Variants in MIX23 observed in about 807,000 individuals in gnomAD.
MIX23 encodes mitochondrial matrix import factor 23, also known as protein MIX23.
A neutral mutation model predicts 21.6 loss-of-function variants in MIX23; 13 were observed. The observed-to-expected ratio is 0.60, with a 90% CI of 0.39 to 0.96. The LOEUF is 0.96. Among genes scored for constraint, MIX23 ranks in the 40% least tolerant of loss-of-function variants. MIX23 has a pLI of 0.00. For missense variants in MIX23, 144 were observed against 171.2 expected (o/e 0.84, Z 0.89); for synonymous variants, 59 against 58.0 (o/e 1.02, Z -0.08).
At chr3:122,372,999 T>C (rs752308968) in intron 1 of MIX23, 1 of 423,726 alleles carries the variant, frequency 2.4e-6, no homozygotes, top group South Asian at 1.8e-5. Context: ...CAAACTTAAA[T>C]CCATGACTGA....
intron 3 of MIX23, among the ~76,000 whole-genome samples, chr3:122,365,160 C>T (rs184336837): frequency 1.2e-4 from 19 of 152,256 alleles, no homozygotes; most frequent in East Asian, 9.6e-4. Flanking sequence ...GGTCCAGCAA[C>T]GAAGGTGCTT....
At chr3:122,362,042 G>A (rs554792849) in intron 4 of MIX23, among the ~76,000 whole-genome samples, 2 of 152,122 alleles carry the variant, frequency 1.3e-5, no homozygotes, top group South Asian at 4.2e-4. Context: ...TTTAGAGAGG[G>A]GTAAATGGAT....
At chr3:122,371,833 A>G (rs1392036169) in intron 1 of MIX23, 33 bp from the exon 2 acceptor site, 1 of 1,522,174 alleles carries the variant, frequency 6.6e-7, no homozygotes, top group Non-Finnish European at 9.0e-7. Flanking sequence ...AATATAACCC[A>G]AATGGAAAGT....
chr3:122,382,844 A>G (rs1331548882), intron 1 of MIX23, among the ~76,000 whole-genome samples: 1 of 152,240 alleles, frequency 6.6e-6, no homozygotes, highest in East Asian at 1.9e-4. Context: ...GGAATGGCAG[A>G]AGCTGGAAAC....
rs531578884 is a variant in MIX23 at position 122,367,484 on chromosome 3, T to C, written c.324+692A>G. Among the ~76,000 whole-genome samples, 38 of 152,326 alleles carry C rather than the reference T, an allele frequency of 2.5e-4. 1 individual carries two copies. In the South Asian group the frequency reaches 7.9e-3, roughly 32 times the overall value. ...GTCTACACCCTATCTACATTATAGT[T>C]GATTTGGGAAAATAAGGCTTCCTCT... On this transcript the variant is annotated intron_variant, in intron 3 of 4. Transcript: ENST00000291458.
chr3:122,362,892 C>T, intron 4 of MIX23, 76 bp downstream of exon 4: 9 of 1,142,780 alleles, frequency 7.9e-6, no homozygotes, highest in Non-Finnish European at 1.2e-5. Context: ...GCACTCTTTA[C>T]TCCCCCTCCC....
intron 1 of MIX23, among the ~76,000 whole-genome samples, chr3:122,376,132 C>T (rs1179435503): frequency 8.8e-5 from 12 of 136,536 alleles, no homozygotes; most frequent in Admixed American, 8.0e-4. Flanking sequence ...CACTGCATTC[C>T]AGCCTGCCTG....
At position 122,371,751 on chromosome 3, in the gene MIX23, A is replaced by C. The variant is rs377127490; in HGVS notation, c.101T>G (p.Leu34Ter). The change falls in exon 2 of 5, where the codon TTA (leucine) becomes TGA (stop). Residue 34 changes from leucine (L) to a stop codon, truncating the protein, a stop_gained. Coordinates refer to ENST00000291458, the MANE Select transcript of MIX23 (RefSeq NM_001017928.4). LOFTEE classifies it high-confidence loss of function. Reference sequence around the variant, plus strand: ...GGAAGCTGTTGGAACCGTAGTGTTTAATTCATGTACTATTCTGTCATCAAT... The same window carrying C: ...GGAAGCTGTTGGAACCGTAGTGTTTCATTCATGTACTATTCTGTCATCAAT... ...RTIDDRIVHE[L>*]NTTVPTASFA... The C allele has an allele frequency of 1.9e-5, 31 of 1,610,458 alleles. No individual in the cohort carries two copies. The highest frequency in any genetic ancestry group is 2.7e-5 in the African/African-American group (2 of 74,840).
Position 122,368,234 on chromosome 3 carries a change from C to T in MIX23, c.266G>A (p.Arg89Lys), listed in dbSNP as rs2107679657. ...CGTTAAATCGTCCAAATTCTTTTCT[C>T]TCTCTTCTCGGAGGTTTTTTACTAC... ...SAVVKNLREE[R>K]EKNLDDLTLL... is the part of the protein sequence containing the mutation. Residue 89 changes from arginine to lysine, a missense_variant, in exon 3 of 5, where the codon AGA becomes AAA. By Grantham distance (26) the Arg-to-Lys change is conservative. Coordinates refer to ENST00000291458, the MANE Select transcript of MIX23 (RefSeq NM_001017928.4). The T allele has an allele frequency of 6.2e-7, 1 of 1,610,164 alleles. No individual in the cohort carries two copies. The highest frequency in any genetic ancestry group is 8.5e-7 in the Non-Finnish European group (1 of 1,179,582).
chr3:122,369,765 T>C (rs1030822518), intron 2 of MIX23, among the ~76,000 whole-genome samples: 1 of 152,236 alleles, frequency 6.6e-6, no homozygotes, highest in Non-Finnish European at 1.5e-5. Flanking sequence ...CAAACATTTT[T>C]TTGAGACAGG....
At chr3:122,365,894 G>T (rs556974288) in intron 3 of MIX23, among the ~76,000 whole-genome samples, 1 of 152,006 alleles carries the variant, frequency 6.6e-6, no homozygotes, top group African/African-American at 2.4e-5. Context: ...TCTATATGCC[G>T]GCTGGACACG....
At chr3:122,360,349 C>A (rs937913535) in intron 4 of MIX23, among the ~76,000 whole-genome samples, 1 of 151,654 alleles carries the variant, frequency 6.6e-6, no homozygotes, top group African/African-American at 2.4e-5. Flanking sequence ...GGAATACATG[C>A]AAGGTTAAAA....
chr3:122,365,928 C>T (rs1019700847), intron 3 of MIX23, among the ~76,000 whole-genome samples: 9 of 152,042 alleles, frequency 5.9e-5, no homozygotes, highest in Admixed American at 5.2e-4. Flanking sequence ...GTAATCCCAG[C>T]ACTTTGGGAA....
intron 1 of MIX23, among the ~76,000 whole-genome samples, chr3:122,374,618 C>T (rs530709267): frequency 3.9e-5 from 6 of 152,056 alleles, no homozygotes; most frequent in Admixed American, 1.3e-4. Flanking sequence ...CTTCGATCCA[C>T]GGTTGATTGA....
rs1559987587 is a variant in MIX23 at position 122,359,835 on chromosome 3, A to AT, written c.*33_*34insA. 3.6e-6 allele frequency: 2 copies of AT among 558,004 alleles called. No homozygotes were observed. The highest frequency in any genetic ancestry group is 4.9e-6 in the Non-Finnish European group (2 of 407,152). 34.6% of individuals were successfully genotyped at this position (558,004 alleles called of 1,614,324 possible). On this transcript the variant is annotated 3_prime_UTR_variant, in exon 5 of 5. Coordinates refer to ENST00000291458, the MANE Select transcript of MIX23 (RefSeq NM_001017928.4). ...TTATGAGATGACCCAGTCCTTAAAA[A>AT]AAAAAAAAAAAAAAAAAAAAAAAGA...
At chr3:122,376,034 C>T (rs1192843553) in intron 1 of MIX23, among the ~76,000 whole-genome samples, 4 of 151,582 alleles carry the variant, frequency 2.6e-5, no homozygotes, top group Non-Finnish European at 4.4e-5. Flanking sequence ...TGGTGGCGCG[C>T]ACCTGTAATC....
Position 122,383,184 on chromosome 3 carries a change from G to A in MIX23, c.41C>T (p.Ala14Val). The change falls in exon 1 of 5, where the codon GCC becomes GTC. Residue 14 changes from alanine to valine, a missense_variant. By Grantham distance (64) the Ala-to-Val change is moderately conservative. Transcript: ENST00000291458. ...PSGGVNCEEF[A>V]EFQELLKVMR... is the part of the protein sequence containing the mutation. Reference sequence around the variant, plus strand: ...GGAAAACCCCATCACCTGGAACTCGGCGAACTCCTCACAGTTCACACCGCC... The same window carrying A: ...GGAAAACCCCATCACCTGGAACTCGACGAACTCCTCACAGTTCACACCGCC... 2 of 1,613,646 alleles carry A rather than the reference G, an allele frequency of 1.2e-6. No homozygotes were observed. Among genetic ancestry groups the A allele is most frequent in the Non-Finnish European group, 1.7e-6 (2 of 1,180,046 alleles).
At chr3:122,375,851 C>T (rs2107685557) in intron 1 of MIX23, among the ~76,000 whole-genome samples, 1 of 152,072 alleles carries the variant, frequency 6.6e-6, no homozygotes, top group Admixed American at 6.5e-5. Flanking sequence ...TGGGTACTTA[C>T]CCAAAGGAAA....
rs146667279 is a variant in MIX23 at position 122,362,837 on chromosome 3, T to C, written c.384+131A>G. On this transcript the variant is annotated intron_variant, in intron 4 of 4. Transcript: ENST00000291458. ...AACCCCAAAAGGTTACAATCCTCAA[T>C]TGTAAATGTAAACGAGTGATCTCTA... 2.3e-3 allele frequency: 764 copies of C among 331,838 alleles called. 2 individuals are homozygous for C. The highest frequency in any genetic ancestry group is 0.016 in the African/African-American group (671 of 40,686). 20.6% of individuals were successfully genotyped at this position (331,838 alleles called of 1,614,324 possible). A position where few individuals can be genotyped will look rare whatever the true frequency, so the allele number is the denominator to read the frequency against.
Sources: gnomAD v4.1 joint callset for allele counts (sites outside exome capture counted in the v4.1 genomes callset) on GRCh38, gnomAD v4.1.1 for gene constraint, MANE v1.5 for transcripts, NCBI Gene and HGNC (gene_info 2026-07-23, HGNC 2026-07-21) for gene names.